The following COL6A2 variants were observed in gnomAD, a reference collection of about 807,000 sequenced individuals.
COL6A2 encodes the protein collagen type VI alpha 2 chain.
Under a neutral mutation model 124.9 loss-of-function variants are expected in COL6A2, and 90 were observed. That is an observed-to-expected ratio of 0.72 (90% CI 0.61 to 0.86). The LOEUF is 0.86. Ranked by LOEUF, COL6A2 falls within the 40% of genes least tolerant of loss-of-function variation. The probability of loss-of-function intolerance (pLI) is 0.00; values close to 1 mark genes in which losing one functional copy is unlikely to be tolerated. For missense variants in COL6A2, 1,607 were observed against 1,502.5 expected (o/e 1.07, Z -1.15); for synonymous variants, 793 against 618.2 (o/e 1.28, Z -4.19).
At position 46,132,535 on chromosome 21, in the gene COL6A2, A is replaced by C. The variant is rs11910483; in HGVS notation, c.3043A>C (p.Ile1015Leu). Residue 1015 changes from isoleucine (I) to leucine (L), a missense_variant, in exon 28 of 28, where the codon ATC becomes CTC. Physicochemically the swap from Ile to Leu is conservative, Grantham distance 5. Transcript: ENST00000300527. ...GCAACCCGGCTTCTTCGACCGCTTC[A>C]TCCGCTGGATCTGCTAGCGCCGCCG... Reference protein sequence around the residue: ...LAQPGFFDRFIRWIC With the variant: ...LAQPGFFDRFLRWIC 6,253 of 1,604,564 alleles carry C rather than the reference A, an allele frequency of 3.9e-3. 192 individuals carry two copies. In the African/African-American group the frequency reaches 0.066, roughly 17 times the overall value.
rs751071208 is a variant in COL6A2, at chr21:46,119,126, C to G, written c.1269+7C>G. The G allele has an allele frequency of 1.2e-6, 2 of 1,606,576 alleles. No individual in the cohort carries two copies. The highest frequency in any genetic ancestry group is 2.2e-5 in the South Asian group (2 of 90,578). ...CGGACCCAAAGGCGAGCCGGTGAGTCCCTCCTGCCCCTGCCTCAGGGCCCC... is the reference window on the plus strand; with the variant it reads ...CGGACCCAAAGGCGAGCCGGTGAGTGCCTCCTGCCCCTGCCTCAGGGCCCC... On this transcript the variant is annotated splice_region_variant and intron_variant, in intron 14 of 27. Transcript: ENST00000300527.
At position 46,119,144 on chromosome 21, in the gene COL6A2, A is replaced by C. The variant is rs374417136; in HGVS notation, c.1269+25A>C. ...GGTGAGTCCCTCCTGCCCCTGCCTC[A>C]GGGCCCCGCTCTGGGCATCCTCCTT... On this transcript the variant is annotated intron_variant, in intron 14 of 27. Transcript: ENST00000300527. 4.3e-5 allele frequency: 68 copies of C among 1,571,706 alleles called. No homozygotes were observed. The African/African-American group carries it at 5.1e-4, about 12-fold the overall frequency.
At chr21:46,124,225 ATGGATGGGTGACTGGG>A (rs2078622863) in intron 21 of COL6A2, among the ~76,000 whole-genome samples, 1 of 147,608 alleles carries the variant, frequency 6.8e-6, no homozygotes, top group African/African-American at 2.5e-5. Context: ...TGGATGGATG[ATGGATGGGTGACTGGG>A]TGGATGGATG....
intron 27 of COL6A2, among the ~76,000 whole-genome samples, chr21:46,130,394 C>T (rs1012664815): frequency 3.9e-5 from 6 of 152,330 alleles, no homozygotes; most frequent in African/African-American, 7.2e-5. Context: ...GAGCTGACCC[C>T]GACGTTCTGA....
At chr21:46,124,282 T>C (rs555773601) in intron 21 of COL6A2, among the ~76,000 whole-genome samples, 10 of 151,586 alleles carry the variant, frequency 6.6e-5, no homozygotes, top group Admixed American at 4.6e-4. Flanking sequence ...GGTGGATAGA[T>C]GGATGGGTGA....
chr21:46,124,800 C>T, intron 22 of COL6A2, 85 bp from the exon 23 acceptor site: 2 of 1,597,600 alleles, frequency 1.3e-6, no homozygotes, highest in Non-Finnish European at 1.7e-6. Flanking sequence ...CACGGTGGAC[C>T]CACGTATCAG....
In COL6A2 at chr21:46,125,477, G is replaced by A. The variant is rs758550765; in HGVS notation, c.1829G>A (p.Arg610His). 6.6e-5 allele frequency: 106 copies of A among 1,612,356 alleles called. No individual in the cohort carries two copies. Among genetic ancestry groups the A allele is most frequent in the Admixed American group, 1.5e-4 (9 of 59,998 alleles). The change falls in exon 25 of 28, where the codon CGC becomes CAC. Residue 610 changes from arginine to histidine, a missense_variant. Transcript: ENST00000300527. The part of the protein sequence containing the change: ...ETCGCCDCEK[R>H]CGALDVVFVI... ...GCCACCCCCCCAGACTGTGAGAAGCGCTGTGGCGCCCTGGACGTGGTCTTC... is the reference window on the plus strand; with the variant it reads ...GCCACCCCCCCAGACTGTGAGAAGCACTGTGGCGCCCTGGACGTGGTCTTC...
Position 46,107,819 on chromosome 21 carries a change from A to C in COL6A2, c.-27-3631A>C, listed in dbSNP as rs545678863. ...TTTCCTGCCTTTCTGGATTAAACCA[A>C]TGTATTTCTTAAATGTATTTGATTG... is the stretch of plus-strand genomic sequence containing the variant. On this transcript the variant is annotated intron_variant, in intron 1 of 27. Transcript: ENST00000300527. 1.8e-4 allele frequency among the ~76,000 whole-genome samples: 28 copies of C among 152,264 alleles called. 1 individual carries two copies. Among genetic ancestry groups the C allele is most frequent in the African/African-American group, 5.1e-4 (21 of 41,554 alleles).
chr21:46,109,739 G>A (rs979134264), intron 1 of COL6A2, among the ~76,000 whole-genome samples: 3 of 152,210 alleles, frequency 2.0e-5, no homozygotes, highest in Non-Finnish European at 4.4e-5. Context: ...CCCCAACTCT[G>A]CTCTGAGATT....
chr21:46,129,184 G>T, intron 27 of COL6A2: 2 of 1,612,726 alleles, frequency 1.2e-6, no homozygotes, highest in Non-Finnish European at 1.7e-6. Flanking sequence ...TTCTCTGGAC[G>T]CTCCCTTGCA....
chr21:46,128,082 G>A (rs2078701229), intron 27 of COL6A2, among the ~76,000 whole-genome samples: 1 of 152,186 alleles, frequency 6.6e-6, no homozygotes, highest in South Asian at 2.1e-4. Flanking sequence ...GGGTGACGTG[G>A]GCCTCGTAGG....
At chr21:46,129,819 T>G in intron 27 of COL6A2, 1 of 1,130,644 alleles carries the variant, frequency 8.8e-7, no homozygotes, top group African/African-American at 1.6e-5. Flanking sequence ...TGCAGAGTCC[T>G]TCTTTGCTGC....
intron 27 of COL6A2, chr21:46,129,483 C>A: frequency 6.3e-7 from 1 of 1,584,114 alleles, no homozygotes; most frequent in African/African-American, 1.3e-5. Flanking sequence ...CGCGCTGGCC[C>A]TCTGCTAAAG....
intron 21 of COL6A2, 78 bp downstream of exon 21, chr21:46,123,015 T>C (rs2078591376): frequency 7.3e-7 from 1 of 1,375,394 alleles, no homozygotes; most frequent in Non-Finnish European, 1.0e-6. Context: ...TGTGCATCTA[T>C]GAGTACAGGA....
chr21:46,116,955 A>ACACACACACG lies in COL6A2; in HGVS notation c.999+142_999+143insACACACACGC. The ACACACACACG allele has an allele frequency of 1.2e-6, 1 of 814,884 alleles. No individual in the cohort carries two copies. Among genetic ancestry groups the ACACACACACG allele is most frequent in the South Asian group, 1.7e-5 (1 of 59,394 alleles). 50.5% of individuals were successfully genotyped at this position (814,884 alleles called of 1,614,324 possible). On this transcript the variant is annotated intron_variant, in intron 10 of 27. Transcript: ENST00000300527. The surrounding 1 kb of genome is among the most constrained non-coding windows in gnomAD (Gnocchi z 4.6). ...CACACACACACACACACACACACAC[A>ACACACACACG]CGAACTTCAGCTCCTGCCACATCCC...
intron 1 of COL6A2, among the ~76,000 whole-genome samples, chr21:46,104,799 C>T (rs1241529388): frequency 6.6e-6 from 1 of 152,224 alleles, no homozygotes; most frequent in Non-Finnish European, 1.5e-5. Context: ...TGATTCATCA[C>T]ATGTAAGGAA....
rs748035075 is a variant in COL6A2 at position 46,112,181 on chromosome 21, G to A, written c.318G>A (p.Glu106=). 1 of 1,613,000 alleles carries A rather than the reference G, an allele frequency of 6.2e-7. No individual in the cohort carries two copies. Among genetic ancestry groups the A allele is most frequent in the Non-Finnish European group, 8.5e-7 (1 of 1,180,040 alleles). Residue 106 remains glutamate, a synonymous_variant, in exon 3 of 28, where the codon GAG becomes GAA. Transcript: ENST00000300527. ...GCCTGCACTTCTCTGACCAGGTGGA[G>A]GTGTTCAGCCCACCGGGCAGCGACC... ...YGGLHFSDQV[E]VFSPPGSDRA...
At position 46,125,773 on chromosome 21, in the gene COL6A2, T is replaced by A; in HGVS notation, c.1970-12T>A. 6.2e-7 allele frequency: 1 copy of A among 1,610,804 alleles called. No individual in the cohort carries two copies. The highest frequency in any genetic ancestry group is 8.5e-7 in the Non-Finnish European group (1 of 1,178,276). ...AGGCCTCTGGCAACGACCTCACGCG[T>A]GCGGCTTGCAGGGACGCGTGTGGGC... is the stretch of plus-strand genomic sequence containing the variant. On this transcript the variant is annotated splice_polypyrimidine_tract_variant and intron_variant, in intron 25 of 27. Coordinates refer to ENST00000300527, the MANE Select transcript of COL6A2 (RefSeq NM_001849.4).
At chr21:46,102,809 T>C (rs985745090) in intron 1 of COL6A2, among the ~76,000 whole-genome samples, 1 of 152,150 alleles carries the variant, frequency 6.6e-6, no homozygotes, top group African/African-American at 2.4e-5. Context: ...ATACCAAATT[T>C]AGTTTACTAT....
Sources: gnomAD v4.1 joint callset for allele counts (sites outside exome capture counted in the v4.1 genomes callset) on GRCh38, gnomAD v4.1.1 for gene constraint, Gnocchi (gnomAD v3.1) non-coding constraint, MANE v1.5 for transcripts, NCBI Gene and HGNC (gene_info 2026-07-23, HGNC 2026-07-21) for gene names.